TNS3: variants seen among roughly 807,000 people sequenced by gnomAD.
The protein encoded by TNS3 is tensin-3.
A neutral mutation model predicts 140.9 loss-of-function variants in TNS3; 45 were observed. The ratio of observed to expected loss-of-function variants is 0.32; its 90% CI spans 0.25 to 0.41. The LOEUF is 0.41. TNS3 is among the 10% of genes least tolerant of loss of function. The pLI is 1.00. For missense variants in TNS3, 1,716 were observed against 1,906.7 expected, an observed-to-expected ratio of 0.90 and a Z score of 1.86; for synonymous variants, 815 against 788.4, an observed-to-expected ratio of 1.03 and a Z score of -0.56.
intron 7 of TNS3, among the ~76,000 whole-genome samples, chr7:47,436,058 G>A (rs1014197758): frequency 2.0e-5 from 3 of 152,152 alleles, no homozygotes; most frequent in Non-Finnish European, 1.5e-5. Flanking sequence ...AGTAGGACGA[G>A]GACAAGGAGC....
intron 16 of TNS3, among the ~76,000 whole-genome samples, chr7:47,394,658 T>C (rs949469885): frequency 1.3e-5 from 2 of 152,224 alleles, no homozygotes; most frequent in African/African-American, 4.8e-5. Context: ...TCCACATGTA[T>C]GGATCTATAC....
At chr7:47,295,478 A>G (rs1038107860) in intron 24 of TNS3, among the ~76,000 whole-genome samples, 1 of 152,186 alleles carries the variant, frequency 6.6e-6, no homozygotes, top group African/African-American at 2.4e-5. Context: ...AATCAGGTCT[A>G]ATTCAGCTCT....
In TNS3 at chr7:47,435,402, G is replaced by C. The variant is rs749573997; in HGVS notation, c.204C>G (p.Ile68Met). The C allele has an allele frequency of 1.2e-6, 2 of 1,613,470 alleles. No individual in the cohort carries two copies. The highest frequency in any genetic ancestry group is 3.3e-4 in the Middle Eastern group (2 of 6,062). ...RYDLTKLNPK[I>M]MDVGWPELHA... ...GGAGCTCTGGCCAGCCCACATCCAT[G>C]ATCTGCAACAAGAAAGGGGAGCTTC... Residue 68 changes from isoleucine (I) to methionine (M), a missense_variant and splice_region_variant, in exon 8 of 31, where the codon ATC (isoleucine) becomes ATG (methionine). Transcript: ENST00000311160.
intron 17 of TNS3, among the ~76,000 whole-genome samples, chr7:47,351,678 G>C (rs1789681776): frequency 6.6e-6 from 1 of 152,158 alleles, no homozygotes; most frequent in African/African-American, 2.4e-5. Flanking sequence ...GTCTAGGGCA[G>C]AGATGGCAAT....
chr7:47,341,179 C>A (rs1011763590), intron 20 of TNS3, among the ~76,000 whole-genome samples: 23 of 152,078 alleles, frequency 1.5e-4, no homozygotes, highest in African/African-American at 5.6e-4. Context: ...TCTGAATCTG[C>A]GAGGGATATT....
chr7:47,406,761 A>G (rs74580496), intron 13 of TNS3, among the ~76,000 whole-genome samples: 1 of 152,290 alleles, frequency 6.6e-6, no homozygotes, highest in East Asian at 1.9e-4. Flanking sequence ...CCACCTGCAT[A>G]TCTGAACTTT....
chr7:47,370,266 C>G (rs1182092452), intron 16 of TNS3, among the ~76,000 whole-genome samples: 1 of 151,348 alleles, frequency 6.6e-6, no homozygotes, highest in Non-Finnish European at 1.5e-5. Context: ...GGCAAGAGAG[C>G]AAGACTCCGT....
At chr7:47,582,436 C>A (rs1407031327), upstream of TNS3, 3 of 456,602 alleles carry the variant, frequency 6.6e-6, no homozygotes, top group South Asian at 1.5e-5. Context: ...CCTGGGGAGG[C>A]GGGTTCGGAT....
At chr7:47,470,979 G>C (rs11770955) in intron 4 of TNS3, among the ~76,000 whole-genome samples, 103,455 of 151,078 alleles carry the variant, frequency 0.68, 35,676 homozygotes, top group East Asian at 0.86. Flanking sequence ...AAGGTTTTTC[G>C]TCTTTCTCAG....
At chr7:47,377,711 C>CCTCCTCCCTTTCCTCCTCCTTCTG (rs1791485341) in intron 16 of TNS3, among the ~76,000 whole-genome samples, 1 of 115,950 alleles carries the variant, frequency 8.6e-6, no homozygotes. Context: ...TCTTTTTCCC[C>CCTCCTCCCTTTCCTCCTCCTTCTG]CTCCTCCCTT....
In TNS3 at chr7:47,430,131, C is replaced by CT. The variant is rs34003202; in HGVS notation, c.325-1756dup. ...TATTTCTTTTCTTTTCTTTTCTTTTCTTTTTTTTTTTTTTGAGACAGAGTT... is the reference window on the plus strand; with the variant it reads ...TATTTCTTTTCTTTTCTTTTCTTTTCTTTTTTTTTTTTTTTGAGACAGAGTT... On this transcript the variant is annotated intron_variant, in intron 8 of 30. Transcript: ENST00000311160. 8.6e-3 allele frequency among the ~76,000 whole-genome samples: 1,215 copies of CT among 141,734 alleles called. 19 individuals are homozygous for CT. The highest frequency in any genetic ancestry group is 0.026 in the African/African-American group (994 of 38,532). 93.0% of individuals were successfully genotyped at this position (141,734 alleles called of 152,430 possible). A position where few individuals can be genotyped will look rare whatever the true frequency, so the allele number is the denominator to read the frequency against.
At chr7:47,323,519 A>C (rs1787865130) in intron 20 of TNS3, among the ~76,000 whole-genome samples, 1 of 152,280 alleles carries the variant, frequency 6.6e-6, no homozygotes, top group Non-Finnish European at 1.5e-5. Flanking sequence ...AACTTCCAAA[A>C]GGAAAGAAGA....
At chr7:47,466,702 C>A (rs1796732201) in intron 4 of TNS3, among the ~76,000 whole-genome samples, 1 of 152,140 alleles carries the variant, frequency 6.6e-6, no homozygotes, top group Non-Finnish European at 1.5e-5. Flanking sequence ...AACCCTATGA[C>A]CCATGGTCTA....
intron 1 of TNS3, among the ~76,000 whole-genome samples, chr7:47,545,839 C>T (rs1799905798): frequency 6.6e-6 from 1 of 152,218 alleles, no homozygotes; most frequent in South Asian, 2.1e-4. Flanking sequence ...TCTCAGCCAA[C>T]ACTGCTCCTC....
At position 47,396,899 on chromosome 7, in the gene TNS3, C is replaced by T. The variant is rs1210537225; in HGVS notation, c.925G>A (p.Glu309Lys). The change falls in exon 16 of 31, where the codon GAA becomes AAA. Residue 309 changes from glutamate to lysine, a missense_variant. Around this residue, in one of 3 missense-constraint regions of TNS3, gnomAD observed 337 missense variants for 428.9 expected, o/e 0.79. Coordinates refer to ENST00000311160, the MANE Select transcript of TNS3 (RefSeq NM_022748.12). ...SATPEKIQGS[E>K]HLYNDHGVIV... ...ACACCGTGGTCGTTGTACAAGTGTTCGGACCCTGCACAGAGCACAGGCAGC... is the reference window on the plus strand; with the variant it reads ...ACACCGTGGTCGTTGTACAAGTGTTTGGACCCTGCACAGAGCACAGGCAGC... The T allele has an allele frequency of 5.0e-6, 8 of 1,613,392 alleles. No individual in the cohort carries two copies. The highest frequency in any genetic ancestry group is 2.7e-5 in the African/African-American group (2 of 74,884).
intron 1 of TNS3, among the ~76,000 whole-genome samples, chr7:47,572,541 T>C (rs1413726039): frequency 2.0e-5 from 3 of 149,648 alleles, no homozygotes; most frequent in Admixed American, 6.7e-5. Flanking sequence ...ACCTATGTTT[T>C]GGATTATTCC....
chr7:47,453,385 A>T (rs1796109878), intron 4 of TNS3, among the ~76,000 whole-genome samples: 1 of 152,032 alleles, frequency 6.6e-6, no homozygotes, highest in South Asian at 2.1e-4. Flanking sequence ...GAAAAACAAA[A>T]CCTACTTCGA....
At chr7:47,314,855 C>T (rs1173486121) in intron 20 of TNS3, among the ~76,000 whole-genome samples, 1 of 152,212 alleles carries the variant, frequency 6.6e-6, no homozygotes, top group Non-Finnish European at 1.5e-5. Context: ...CAGAGCCCTG[C>T]GCCTGTGGCA....
intron 17 of TNS3, among the ~76,000 whole-genome samples, chr7:47,356,731 T>C (rs1490430067): frequency 6.6e-6 from 1 of 152,116 alleles, no homozygotes; most frequent in Non-Finnish European, 1.5e-5. Flanking sequence ...AAACAAAATA[T>C]CATGTTAAAC....
Sources: allele counts gnomAD v4.1 joint callset (sites outside exome capture counted in the v4.1 genomes callset), GRCh38; gene constraint gnomAD v4.1.1; regional missense constraint gnomAD v4.1.1; transcripts MANE v1.5; gene names NCBI Gene and HGNC (gene_info 2026-07-23, HGNC 2026-07-21).